WDPCP: variants seen among roughly 807,000 people sequenced by gnomAD.
WDPCP encodes WD repeat containing planar cell polarity effector, also known as WD repeat-containing and planar cell polarity effector protein fritz homolog.
A neutral mutation model predicts 93.1 loss-of-function variants in WDPCP; 71 were observed. The ratio of observed to expected loss-of-function variants is 0.76; its 90% CI spans 0.63 to 0.93. WDPCP has a LOEUF of 0.93. Ranked by LOEUF, WDPCP falls within the 40% of genes least tolerant of loss-of-function variation. The probability of loss-of-function intolerance (pLI) is 0.00; values close to 1 mark genes in which losing one functional copy is unlikely to be tolerated. For synonymous variants in WDPCP, 315 were observed against 315.0 expected (o/e 1.00, Z 0.00); for missense variants, 844 against 887.4 (o/e 0.95, Z 0.62).
At chr2:63,168,050 T>C (rs1331367423) in intron 15 of WDPCP, among the ~76,000 whole-genome samples, 1 of 142,482 alleles carries the variant, frequency 7.0e-6, no homozygotes, top group East Asian at 2.0e-4. Flanking sequence ...AGGTCAAGAC[T>C]GTGGTGAGCC....
chr2:63,589,074 A>G (rs1709086580), upstream of WDPCP: 6 of 1,613,952 alleles, frequency 3.7e-6, no homozygotes, highest in Non-Finnish European at 5.1e-6. Context: ...GTTCCTGCCC[A>G]CCTCTGGCCC....
chr2:63,216,875 T>C (rs1376335502), intron 14 of WDPCP, among the ~76,000 whole-genome samples: 1 of 152,158 alleles, frequency 6.6e-6, no homozygotes, highest in Non-Finnish European at 1.5e-5. Flanking sequence ...ACTACTATAA[T>C]GAAAATGTGG....
chr2:63,266,333 G>A (rs987222487), intron 13 of WDPCP, among the ~76,000 whole-genome samples: 1 of 152,036 alleles, frequency 6.6e-6, no homozygotes, highest in Non-Finnish European at 1.5e-5. Flanking sequence ...AATCAGTAAA[G>A]TTGCAGGTTA....
At chr2:63,394,691 G>A (rs1199791973) in intron 10 of WDPCP, among the ~76,000 whole-genome samples, 14 of 152,080 alleles carry the variant, frequency 9.2e-5, no homozygotes, top group Admixed American at 8.5e-4. Flanking sequence ...TATACACCAT[G>A]GAATACTACA....
At chr2:63,260,596 C>G (rs954025016) in intron 13 of WDPCP, among the ~76,000 whole-genome samples, 1 of 152,176 alleles carries the variant, frequency 6.6e-6, no homozygotes, top group African/African-American at 2.4e-5. Flanking sequence ...TGTTGCCAGG[C>G]TGGAGTGCAG....
At chr2:63,727,919 G>C (rs1040679877) in intron 2 of WDPCP, among the ~76,000 whole-genome samples, 6 of 151,932 alleles carry the variant, frequency 3.9e-5, no homozygotes, top group Admixed American at 2.6e-4. Flanking sequence ...TCCTTTATTA[G>C]TCTAGCTAGC....
intron 12 of WDPCP, among the ~76,000 whole-genome samples, chr2:63,363,907 G>C (rs761002621): frequency 1.3e-5 from 2 of 151,992 alleles, no homozygotes; most frequent in African/African-American, 2.4e-5. Context: ...CAGGCACAGT[G>C]TCCTGTGCCT....
At chr2:63,140,206 G>T (rs750363185) in intron 17 of WDPCP, among the ~76,000 whole-genome samples, 2 of 152,036 alleles carry the variant, frequency 1.3e-5, no homozygotes, top group Non-Finnish European at 2.9e-5. Context: ...TGCTGTTTTG[G>T]TGACTATGGC....
intron 14 of WDPCP, among the ~76,000 whole-genome samples, chr2:63,246,037 A>G (rs1048239743): frequency 4.6e-5 from 7 of 152,176 alleles, no homozygotes; most frequent in African/African-American, 7.2e-5. Context: ...TGACACCAGA[A>G]CAAGTCTATA....
chr2:63,383,365 G>A (rs1692474761), intron 10 of WDPCP, among the ~76,000 whole-genome samples: 1 of 152,088 alleles, frequency 6.6e-6, no homozygotes. Flanking sequence ...TAACAGAGCT[G>A]TGAAATAATA....
chr2:63,525,245 AG>A (rs1246835734), intron 1 of WDPCP, among the ~76,000 whole-genome samples: 1 of 152,130 alleles, frequency 6.6e-6, no homozygotes, highest in Non-Finnish European at 1.5e-5. Context: ...GGCCTACCTG[AG>A]GGTGGAGGGT....
intron 2 of WDPCP, among the ~76,000 whole-genome samples, chr2:63,762,412 C>G (rs1296809573): frequency 6.6e-6 from 1 of 152,086 alleles, no homozygotes; most frequent in Admixed American, 6.5e-5. Flanking sequence ...CACTCATTAC[C>G]CCTTTCAGAT....
intron 1 of WDPCP, among the ~76,000 whole-genome samples, chr2:63,814,261 G>GCT (rs1453101443): frequency 2.0e-5 from 3 of 151,792 alleles, no homozygotes; most frequent in African/African-American, 7.3e-5. Context: ...TATAGCTAGA[G>GCT]ATAGTCATGT....
intron 3 of WDPCP, among the ~76,000 whole-genome samples, chr2:63,617,166 A>G (rs890608119): frequency 2.6e-5 from 4 of 152,228 alleles, no homozygotes; most frequent in Admixed American, 2.0e-4. Context: ...TCTTGCAGCC[A>G]TAAGAGATAA....
chr2:63,508,132 G>A lies in WDPCP; in HGVS notation c.76-15192C>T, dbSNP rs139238907. Among the ~76,000 whole-genome samples the A allele has an allele frequency of 6.4e-4, 98 of 152,196 alleles. 1 individual carries two copies. Among genetic ancestry groups the A allele is most frequent in the African/African-American group, 2.1e-3 (87 of 41,530 alleles). ...AAGAGCAACCCCAAGACAAATGATC[G>A]TCAGATTCACCAAGGTTGAAATGAG... is the stretch of plus-strand genomic sequence containing the variant. On this transcript the variant is annotated intron_variant, in intron 1 of 17. Coordinates refer to ENST00000272321, the MANE Select transcript of WDPCP (RefSeq NM_015910.7).
At chr2:63,310,441 GT>G (rs1178730915) in intron 13 of WDPCP, among the ~76,000 whole-genome samples, 3 of 151,826 alleles carry the variant, frequency 2.0e-5, no homozygotes, top group Non-Finnish European at 4.4e-5. Flanking sequence ...GCAGCCTTAA[GT>G]GATCATACTC....
chr2:63,201,140 GT>G (rs1408470835), intron 14 of WDPCP, among the ~76,000 whole-genome samples: 6 of 152,134 alleles, frequency 3.9e-5, no homozygotes, highest in Admixed American at 1.3e-4. Flanking sequence ...AGATCTCGAT[GT>G]TTAAAAGTGT....
chr2:63,212,878 G>A, intron 14 of WDPCP, among the ~76,000 whole-genome samples: 1 of 151,504 alleles, frequency 6.6e-6, no homozygotes, highest in East Asian at 1.9e-4. Flanking sequence ...GACAAAGAAG[G>A]CAATTATATA....
At chr2:63,290,897 G>A (rs1180900942) in intron 13 of WDPCP, among the ~76,000 whole-genome samples, 1 of 152,064 alleles carries the variant, frequency 6.6e-6, no homozygotes. Flanking sequence ...TGTCTATGCT[G>A]TGCCAAGATA....
Sources: gnomAD v4.1 joint callset for allele counts (sites outside exome capture counted in the v4.1 genomes callset) on GRCh38, gnomAD v4.1.1 for gene constraint, MANE v1.5 for transcripts, NCBI Gene and HGNC (gene_info 2026-07-23, HGNC 2026-07-21) for gene names.